The following MCC variants were observed in gnomAD, a reference collection of about 807,000 sequenced individuals.
MCC encodes MCC regulator of Wnt signaling pathway, also known as colorectal mutant cancer protein.
A neutral mutation model predicts 116.2 loss-of-function variants in MCC; 90 were observed. That is an observed-to-expected ratio of 0.77 (90% CI 0.65 to 0.92). The LOEUF is 0.92. MCC is among the 40% of genes least tolerant of loss of function. MCC has a pLI of 0.00. For synonymous variants in MCC, 578 were observed against 510.5 expected, an observed-to-expected ratio of 1.13 and a Z score of -1.78; for missense variants, 1,516 against 1,312.2, an observed-to-expected ratio of 1.16 and a Z score of -2.40.
In MCC at chr5:113,027,206, TTCC is replaced by T. The variant is rs1457089895; in HGVS notation, c.*93_*95del. On this transcript the variant is annotated 3_prime_UTR_variant, in exon 19 of 19. Coordinates refer to ENST00000408903, the MANE Select transcript of MCC (RefSeq NM_001085377.2). Reference sequence around the variant, plus strand: ...GCCGACCTACCTGCCAGCCTTCCCTTTCCTCCTCCTCCCAACAAGTACATGGGC... The same window carrying T: ...GCCGACCTACCTGCCAGCCTTCCCTTTCCTCCTCCCAACAAGTACATGGGC... 1.0e-5 allele frequency: 14 copies of T among 1,355,984 alleles called. No homozygotes were observed. Among genetic ancestry groups the T allele is most frequent in the African/African-American group, 1.0e-4 (7 of 68,532 alleles). The allele number at this position is 1,355,984 out of a possible 1,614,324, so 84.0% of individuals were successfully genotyped here.
At chr5:113,220,081 G>A (rs1763488737) in intron 3 of MCC, among the ~76,000 whole-genome samples, 1 of 25,270 alleles carries the variant, frequency 4.0e-5, no homozygotes, top group African/African-American at 4.7e-5. Flanking sequence ...TTTTTGAGAC[G>A]GAGTCTTGCT....
intron 6 of MCC, among the ~76,000 whole-genome samples, chr5:113,117,837 G>A (rs188217286): frequency 6.6e-6 from 1 of 152,300 alleles, no homozygotes; most frequent in East Asian, 1.9e-4. Context: ...ATTTTAATAT[G>A]AAGGGCCGCA....
chr5:113,286,234 A>G (rs1766254027), intron 3 of MCC, among the ~76,000 whole-genome samples: 1 of 152,216 alleles, frequency 6.6e-6, no homozygotes, highest in Non-Finnish European at 1.5e-5. Context: ...AGAAGACTCT[A>G]AGAGTGCTGT....
chr5:113,116,965 C>A (rs190926481), intron 6 of MCC, among the ~76,000 whole-genome samples: 1 of 152,342 alleles, frequency 6.6e-6, no homozygotes, highest in Admixed American at 6.5e-5. Flanking sequence ...AAAAAGGTAA[C>A]AAAGGGCTTG....
At chr5:113,414,831 C>T (rs1770097894) in intron 1 of MCC, among the ~76,000 whole-genome samples, 1 of 152,140 alleles carries the variant, frequency 6.6e-6, no homozygotes, top group Non-Finnish European at 1.5e-5. Context: ...GCTTATTTTG[C>T]CCGTTAGTTG....
intron 3 of MCC, among the ~76,000 whole-genome samples, chr5:113,304,253 G>A (rs1201369721): frequency 6.6e-6 from 1 of 152,142 alleles, no homozygotes; most frequent in South Asian, 2.1e-4. Context: ...AAAAATAGTT[G>A]GGATGCAGTA....
At chr5:113,387,369 T>A (rs1156912177) in intron 1 of MCC, among the ~76,000 whole-genome samples, 6 of 152,206 alleles carry the variant, frequency 3.9e-5, no homozygotes, top group African/African-American at 1.4e-4. Flanking sequence ...CATATAATAT[T>A]TTCATATAAG....
At chr5:113,111,029 T>A (rs1331352515) in intron 6 of MCC, among the ~76,000 whole-genome samples, 1 of 152,132 alleles carries the variant, frequency 6.6e-6, no homozygotes, top group Non-Finnish European at 1.5e-5. Context: ...TCCTGCCCTT[T>A]TCCTCTTTTC....
At chr5:113,156,949 C>A (rs764333356) in intron 3 of MCC, among the ~76,000 whole-genome samples, 7 of 152,156 alleles carry the variant, frequency 4.6e-5, no homozygotes, top group Admixed American at 3.3e-4. Flanking sequence ...GGTGTCCAGC[C>A]CCCCTGAGCC....
chr5:113,348,030 G>A (rs1414704008), intron 2 of MCC, among the ~76,000 whole-genome samples: 1 of 151,904 alleles, frequency 6.6e-6, no homozygotes, highest in African/African-American at 2.4e-5. Context: ...TATAACAATT[G>A]TAATTATGCA....
At chr5:113,317,687 C>T (rs1266182889) in intron 3 of MCC, among the ~76,000 whole-genome samples, 1 of 152,188 alleles carries the variant, frequency 6.6e-6, no homozygotes, top group Non-Finnish European at 1.5e-5. Flanking sequence ...CTTCGTTCCA[C>T]AAATAGAATT....
chr5:113,369,213 T>C (rs777338431), intron 2 of MCC, among the ~76,000 whole-genome samples: 9 of 152,068 alleles, frequency 5.9e-5, no homozygotes, highest in Non-Finnish European at 1.2e-4. Flanking sequence ...TCCCCAGAGG[T>C]TGGGGGCTGG....
chr5:113,054,539 G>A (rs1275200529), intron 14 of MCC, among the ~76,000 whole-genome samples: 3 of 152,390 alleles, frequency 2.0e-5, no homozygotes, highest in East Asian at 3.9e-4. Context: ...GTCCCAGGCT[G>A]TGGCAGCCGT....
Position 113,225,237 on chromosome 5 carries a change from T to C in MCC, c.628-73815A>G, listed in dbSNP as rs114407731. On this transcript the variant is annotated intron_variant, in intron 3 of 18. Transcript: ENST00000408903. ...CACTTATGTGTTTTCCTGTATATTC[T>C]GTTGAACTAATTTTATTGACGAATT... Among the ~76,000 whole-genome samples the C allele has an allele frequency of 3.9e-3, 594 of 152,370 alleles. 5 individuals carry two copies. The highest frequency in any genetic ancestry group is 0.014 in the African/African-American group (576 of 41,590).
chr5:113,346,138 C>G (rs998581579), intron 2 of MCC, among the ~76,000 whole-genome samples: 7 of 152,050 alleles, frequency 4.6e-5, no homozygotes, highest in Admixed American at 2.0e-4. Context: ...GCTGAGCCAC[C>G]TGGAGCTTGG....
At chr5:113,281,801 G>A (rs1416855735) in intron 3 of MCC, among the ~76,000 whole-genome samples, 1 of 152,144 alleles carries the variant, frequency 6.6e-6, no homozygotes, top group Non-Finnish European at 1.5e-5. Context: ...TGACATATTG[G>A]TCTACACTTA....
chr5:113,382,986 G>T (rs1368678566), intron 2 of MCC, among the ~76,000 whole-genome samples: 1 of 152,178 alleles, frequency 6.6e-6, no homozygotes, highest in Non-Finnish European at 1.5e-5. Context: ...AAGGGTATAA[G>T]GTTATATAAA....
At chr5:113,279,214 C>G (rs1194381666) in intron 3 of MCC, among the ~76,000 whole-genome samples, 2 of 152,124 alleles carry the variant, frequency 1.3e-5, no homozygotes, top group East Asian at 3.9e-4. Flanking sequence ...CATCATTTCA[C>G]GACATGGTGT....
intron 3 of MCC, among the ~76,000 whole-genome samples, chr5:113,178,886 A>G (rs1761469329): frequency 1.3e-5 from 2 of 150,374 alleles, no homozygotes; most frequent in East Asian, 3.9e-4. Flanking sequence ...TTACAGTCCC[A>G]TTTCTATCTC....
Sources: allele counts gnomAD v4.1 joint callset (sites outside exome capture counted in the v4.1 genomes callset), GRCh38; gene constraint gnomAD v4.1.1; transcripts MANE v1.5; gene names NCBI Gene and HGNC (gene_info 2026-07-23, HGNC 2026-07-21).